C2CD4B: variants seen among roughly 807,000 people sequenced by gnomAD.
The protein encoded by C2CD4B is C2 calcium dependent domain containing 4B.
For synonymous variants in C2CD4B, 347 were observed against 284.9 expected (o/e 1.22, Z -2.20); for missense variants, 644 against 577.7 (o/e 1.11, Z -1.18).
rs1246918187 is a variant in C2CD4B, at chr15:62,163,648, A to C, written c.*242T>G. ...TCCTTTCTCTCCCAGTCCCAAGCCA[A>C]CCCATTTTTCCTTGGAATGCAAAAA... On this transcript the variant is annotated 3_prime_UTR_variant, in exon 2 of 2. Coordinates refer to ENST00000380392, the MANE Select transcript of C2CD4B (RefSeq NM_001007595.3). 1 of 464,338 alleles carries C rather than the reference A, an allele frequency of 2.2e-6. No homozygotes were observed. Among genetic ancestry groups the C allele is most frequent in the Non-Finnish European group, 3.5e-6 (1 of 287,966 alleles). 28.8% of individuals were successfully genotyped at this position (464,338 alleles called of 1,614,324 possible). A position where few individuals can be genotyped will look rare whatever the true frequency, so the allele number is the denominator to read the frequency against.
At position 62,164,279 on chromosome 15, in the gene C2CD4B, G is replaced by T; in HGVS notation, c.706C>A (p.Arg236Ser). The change falls in exon 2 of 2, where the codon CGC becomes AGC. Residue 236 changes from arginine (R) to serine (S), a missense_variant. By Grantham distance (110) the Arg-to-Ser change is moderately radical. Transcript: ENST00000380392. ...PLSSRAPLPERLEAKGTVALG... is the reference protein window; with the variant it reads ...PLSSRAPLPESLEAKGTVALG... Reference sequence around the variant, plus strand: ...GCCACGGTGCCCTTGGCCTCCAGGCGCTCAGGAAGCGGGGCCCTGGATGAC... The same window carrying T: ...GCCACGGTGCCCTTGGCCTCCAGGCTCTCAGGAAGCGGGGCCCTGGATGAC... 7.0e-7 allele frequency: 1 copy of T among 1,422,548 alleles called. No homozygotes were observed. The highest frequency in any genetic ancestry group is 9.1e-7 in the Non-Finnish European group (1 of 1,098,126). The allele number at this position is 1,422,548 out of a possible 1,614,324, so 88.1% of individuals were successfully genotyped here.
Position 62,163,958 on chromosome 15 carries a change from G to T in C2CD4B, c.1027C>A (p.Arg343Ser), listed in dbSNP as rs1236491970. The change falls in exon 2 of 2, where the codon CGC becomes AGC. Residue 343 changes from arginine to serine, a missense_variant. Transcript: ENST00000380392. ...AVRVKARDEG[R>S]GRDRGRLLGQ... Reference sequence around the variant, plus strand: ...AGCAGGCGGCCCCGATCCCGGCCGCGACCCTCATCCCGGGCCTTGACGCGA... The same window carrying T: ...AGCAGGCGGCCCCGATCCCGGCCGCTACCCTCATCCCGGGCCTTGACGCGA... The T allele has an allele frequency of 1.3e-6, 2 of 1,586,626 alleles. No individual in the cohort carries two copies. The highest frequency in any genetic ancestry group is 1.1e-5 in the South Asian group (1 of 87,382).
rs2049585957 is a variant in C2CD4B, at chr15:62,164,278, C to A, written c.707G>T (p.Arg236Leu). The stretch of plus-strand genomic sequence containing the variant: ...AGCCACGGTGCCCTTGGCCTCCAGG[C>A]GCTCAGGAAGCGGGGCCCTGGATGA... ...PLSSRAPLPE[R>L]LEAKGTVALG... Residue 236 changes from arginine to leucine, a missense_variant, in exon 2 of 2, where the codon CGC becomes CTC. Arg to Leu is a moderately radical substitution (Grantham distance 102). Transcript: ENST00000380392. 17 of 1,424,062 alleles carry A rather than the reference C, an allele frequency of 1.2e-5. No homozygotes were observed. Among genetic ancestry groups the A allele is most frequent in the Non-Finnish European group, 1.5e-5 (17 of 1,098,718 alleles). 88.2% of individuals were successfully genotyped at this position (1,424,062 alleles called of 1,614,324 possible).
chr15:62,163,573 A>C lies in C2CD4B; in HGVS notation c.*317T>G. 3.2e-6 allele frequency: 1 copy of C among 317,142 alleles called. No homozygotes were observed. The highest frequency in any genetic ancestry group is 8.3e-4 in the Middle Eastern group (1 of 1,210). 19.6% of individuals were successfully genotyped at this position (317,142 alleles called of 1,614,324 possible). ...CTTGCTTTATTAAAAAAAAACTGTA[A>C]CATTGATAGAAAACCGGAAGGAATT... On this transcript the variant is annotated 3_prime_UTR_variant, in exon 2 of 2. Coordinates refer to ENST00000380392, the MANE Select transcript of C2CD4B (RefSeq NM_001007595.3).
At position 62,164,866 on chromosome 15, in the gene C2CD4B, G is replaced by C. The variant is rs1195132070; in HGVS notation, c.119C>G (p.Pro40Arg). ...IPEFCIPPRLPAPCTLESPIR... is the reference protein window; with the variant it reads ...IPEFCIPPRLRAPCTLESPIR... ...TGGAGACTCGAGCGTGCAAGGGGCC[G>C]GCAGCCGCGGCGGGATGCAGAATTC... Residue 40 changes from proline to arginine, a missense_variant, in exon 2 of 2, where the codon CCG (proline) becomes CGG (arginine). Transcript: ENST00000380392. The C allele has an allele frequency of 1.3e-6, 2 of 1,504,218 alleles. No individual in the cohort carries two copies. The highest frequency in any genetic ancestry group is 2.7e-5 in the East Asian group (1 of 37,708). The allele number at this position is 1,504,218 out of a possible 1,614,324, so 93.2% of individuals were successfully genotyped here.
At position 62,164,826 on chromosome 15, in the gene C2CD4B, G is replaced by T. The variant is rs1175052741; in HGVS notation, c.159C>A (p.Ala53=). The T allele has an allele frequency of 6.8e-7, 1 of 1,462,888 alleles. No individual in the cohort carries two copies. Among genetic ancestry groups the T allele is most frequent in the East Asian group, 2.8e-5 (1 of 36,114 alleles). The allele number at this position is 1,462,888 out of a possible 1,614,324, so 90.6% of individuals were successfully genotyped here. ...CTLESPIRAA[A]VPRRCAAESD... ...TTTCAGCGGCGCAGCGCCGGGGCACGGCGGCGGCCCGGATTGGAGACTCGA... is the reference window on the plus strand; with the variant it reads ...TTTCAGCGGCGCAGCGCCGGGGCACTGCGGCGGCCCGGATTGGAGACTCGA... The change falls in exon 2 of 2, where the codon GCC becomes GCA. Residue 53 remains alanine (A), a synonymous_variant. Coordinates refer to ENST00000380392, the MANE Select transcript of C2CD4B (RefSeq NM_001007595.3).
chr15:62,164,184 G>T lies in C2CD4B; in HGVS notation c.801C>A (p.Leu267=). Residue 267 remains leucine (L), a synonymous_variant, in exon 2 of 2, where the codon CTC becomes CTA. Transcript: ENST00000380392. ...ACAGGCTCTCCGCGCGGAGCAGCCGGAGGCGGAGACGCCGGGTTCCCGGAC... is the reference window on the plus strand; with the variant it reads ...ACAGGCTCTCCGCGCGGAGCAGCCGTAGGCGGAGACGCCGGGTTCCCGGAC... ...EYCPGTRRLR[L]RLLRAESLFG... 1 of 1,476,020 alleles carries T rather than the reference G, an allele frequency of 6.8e-7. No homozygotes were observed. The highest frequency in any genetic ancestry group is 8.9e-7 in the Non-Finnish European group (1 of 1,122,298). 91.4% of individuals were successfully genotyped at this position (1,476,020 alleles called of 1,614,324 possible).
chr15:62,163,720 A>G lies in C2CD4B; in HGVS notation c.*170T>C, dbSNP rs1596581709. The G allele has an allele frequency of 5.0e-6, 5 of 1,003,450 alleles. No individual in the cohort carries two copies. Among genetic ancestry groups the G allele is most frequent in the Middle Eastern group, 3.4e-4 (1 of 2,946 alleles). 62.2% of individuals were successfully genotyped at this position (1,003,450 alleles called of 1,614,324 possible). ...GGTCCTGTGAACAGAACAGGGAGTC[A>G]TTATCTTTTTCTTCTTTACCAATAG... On this transcript the variant is annotated 3_prime_UTR_variant, in exon 2 of 2. Coordinates refer to ENST00000380392, the MANE Select transcript of C2CD4B (RefSeq NM_001007595.3).
Position 62,165,144 on chromosome 15 carries a change from T to C in C2CD4B, c.-41+51A>G, listed in dbSNP as rs916021804. ...CCACGTGTTTAAGACCCCAGACCAG[T>C]TCCAGCCTTCCTCTCCCCTGCACCC... On this transcript the variant is annotated intron_variant, in intron 1 of 1. Transcript: ENST00000380392. 5 of 751,798 alleles carry C rather than the reference T, an allele frequency of 6.7e-6. No individual in the cohort carries two copies. The Admixed American group carries it at 1.5e-4, about 22-fold the overall frequency. The allele number at this position is 751,798 out of a possible 1,614,324, so 46.6% of individuals were successfully genotyped here. A position where few individuals can be genotyped will look rare whatever the true frequency, so the allele number is the denominator to read the frequency against.
chr15:62,164,348 C>T lies in C2CD4B; in HGVS notation c.637G>A (p.Ala213Thr). ...SSGNEDEERR[A>T]GSESPARAPS... ...GCCCGGGCCGGGGACTCGGATCCCG[C>T]GCGGCGCTCCTCGTCCTCGTTCCCG... The change falls in exon 2 of 2, where the codon GCG becomes ACG. Residue 213 changes from alanine to threonine, a missense_variant. Transcript: ENST00000380392. 7.1e-7 allele frequency: 1 copy of T among 1,400,736 alleles called. No homozygotes were observed. Among genetic ancestry groups the T allele is most frequent in the Non-Finnish European group, 9.2e-7 (1 of 1,086,340 alleles). The allele number at this position is 1,400,736 out of a possible 1,614,324, so 86.8% of individuals were successfully genotyped here.
At position 62,163,558 on chromosome 15, in the gene C2CD4B, T is replaced by TA. The variant is rs201510342; in HGVS notation, c.*331dup. Reference sequence around the variant, plus strand: ...ACTCTGAATGAATAACTTGCTTTATTAAAAAAAAACTGTAACATTGATAGA... The same window carrying TA: ...ACTCTGAATGAATAACTTGCTTTATTAAAAAAAAAACTGTAACATTGATAGA... On this transcript the variant is annotated 3_prime_UTR_variant, in exon 2 of 2. Transcript: ENST00000380392. 6.1e-3 allele frequency: 1,682 copies of TA among 275,756 alleles called. 10 individuals are homozygous for TA. The highest frequency in any genetic ancestry group is 0.019 in the Middle Eastern group (19 of 996). 17.1% of individuals were successfully genotyped at this position (275,756 alleles called of 1,614,324 possible). A position where few individuals can be genotyped will look rare whatever the true frequency, so the allele number is the denominator to read the frequency against.
rs372753423 is a variant in C2CD4B at position 62,164,396 on chromosome 15, C to T, written c.589G>A (p.Ala197Thr). ...CCGCTGGAGACGGAGCGGACGCGGGCCAGGCGGCGACTCCTTCCAGCCCGC... is the reference window on the plus strand; with the variant it reads ...CCGCTGGAGACGGAGCGGACGCGGGTCAGGCGGCGACTCCTTCCAGCCCGC... Reference protein sequence around the residue: ...ALRAGRSRRLARVRSVSSGNE... With the variant: ...ALRAGRSRRLTRVRSVSSGNE... Residue 197 changes from alanine (A) to threonine (T), a missense_variant, in exon 2 of 2, where the codon GCC (alanine) becomes ACC (threonine). Physicochemically the swap from Ala to Thr is moderately conservative, Grantham distance 58 (BLOSUM62 0). Coordinates refer to ENST00000380392, the MANE Select transcript of C2CD4B (RefSeq NM_001007595.3). 2.8e-5 allele frequency: 40 copies of T among 1,420,368 alleles called. No individual in the cohort carries two copies. The East Asian group carries it at 4.6e-4, about 16-fold the overall frequency. 88.0% of individuals were successfully genotyped at this position (1,420,368 alleles called of 1,614,324 possible). A position where few individuals can be genotyped will look rare whatever the true frequency, so the allele number is the denominator to read the frequency against.
chr15:62,164,687 A>C lies in C2CD4B; in HGVS notation c.298T>G (p.Phe100Val), dbSNP rs1394660220. 2.1e-6 allele frequency: 3 copies of C among 1,458,320 alleles called. No individual in the cohort carries two copies. The highest frequency in any genetic ancestry group is 2.7e-6 in the Non-Finnish European group (3 of 1,110,710). The allele number at this position is 1,458,320 out of a possible 1,614,324, so 90.3% of individuals were successfully genotyped here. Residue 100 changes from phenylalanine (F) to valine (V), a missense_variant, in exon 2 of 2, where the codon TTC becomes GTC. Transcript: ENST00000380392. ...TGCGGGCTCTCGAGCAGCGCGCAGA[A>C]GCCGTAGGTGGTGCGCACACGGGGC... ...HLPRVRTTYG[F>V]CALLESPHTR... is the part of the protein sequence containing the mutation.
chr15:62,165,037 G>T lies in C2CD4B; in HGVS notation c.-40-13C>A. ...GGAAGAGGTGCGCCTGCGGGGGAGA[G>T]AAGCTGCTGAGTTTGGGCGCCTGGA... On this transcript the variant is annotated splice_polypyrimidine_tract_variant and intron_variant, in intron 1 of 1. Coordinates refer to ENST00000380392, the MANE Select transcript of C2CD4B (RefSeq NM_001007595.3). 6.9e-7 allele frequency: 1 copy of T among 1,458,070 alleles called. No homozygotes were observed. Among genetic ancestry groups the T allele is most frequent in the East Asian group, 2.8e-5 (1 of 35,378 alleles). 90.3% of individuals were successfully genotyped at this position (1,458,070 alleles called of 1,614,324 possible).
chr15:62,164,626 G>C lies in C2CD4B; in HGVS notation c.359C>G (p.Pro120Arg), dbSNP rs1244284326. The C allele has an allele frequency of 7.7e-7, 1 of 1,301,488 alleles. No individual in the cohort carries two copies. The highest frequency in any genetic ancestry group is 9.7e-7 in the Non-Finnish European group (1 of 1,029,540). The allele number at this position is 1,301,488 out of a possible 1,614,324, so 80.6% of individuals were successfully genotyped here. The part of the protein sequence containing the change: ...RRKESLLLGG[P>R]PAPRPRAHSC... ...GTGGGCCCGGGGCCGGGGCGCGGGC[G>C]GGCCCCCGAGCAGGAGCGACTCCTT... The change falls in exon 2 of 2, where the codon CCG becomes CGG. Residue 120 changes from proline (P) to arginine (R), a missense_variant. By Grantham distance (103) the Pro-to-Arg change is moderately radical (BLOSUM62 -2). Transcript: ENST00000380392.
chr15:62,164,912 G>A lies in C2CD4B; in HGVS notation c.73C>T (p.Leu25Phe), dbSNP rs758928940. ...SAPKPAFAKV[L>F]TPNRIPEFCI... ...AATTCGGGGATGCGATTCGGCGTGAGCACTTTGGCGAAGGCGGGCTTCGGC... is the reference window on the plus strand; with the variant it reads ...AATTCGGGGATGCGATTCGGCGTGAACACTTTGGCGAAGGCGGGCTTCGGC... The change falls in exon 2 of 2, where the codon CTC becomes TTC. Residue 25 changes from leucine to phenylalanine, a missense_variant. Physicochemically the swap from Leu to Phe is conservative, Grantham distance 22. Transcript: ENST00000380392. 4.6e-6 allele frequency: 7 copies of A among 1,538,072 alleles called. No individual in the cohort carries two copies. In the Admixed American group the frequency reaches 1.2e-4, roughly 26 times the overall value.
Position 62,164,910 on chromosome 15 carries a change from G to T in C2CD4B, c.75C>A (p.Leu25=). The change falls in exon 2 of 2, where the codon CTC becomes CTA. Residue 25 remains leucine (L), a synonymous_variant. Transcript: ENST00000380392. Reference sequence around the variant, plus strand: ...AGAATTCGGGGATGCGATTCGGCGTGAGCACTTTGGCGAAGGCGGGCTTCG... The same window carrying T: ...AGAATTCGGGGATGCGATTCGGCGTTAGCACTTTGGCGAAGGCGGGCTTCG... ...SAPKPAFAKV[L]TPNRIPEFCI... is the part of the protein sequence containing the mutation. 3 of 1,537,700 alleles carry T rather than the reference G, an allele frequency of 2.0e-6. No individual in the cohort carries two copies. The highest frequency in any genetic ancestry group is 2.6e-6 in the Non-Finnish European group (3 of 1,145,810).
Position 62,164,408 on chromosome 15 carries a change from T to A in C2CD4B, c.577A>T (p.Ser193Cys). 2 of 1,414,686 alleles carry A rather than the reference T, an allele frequency of 1.4e-6. No individual in the cohort carries two copies. Among genetic ancestry groups the A allele is most frequent in the Non-Finnish European group, 1.8e-6 (2 of 1,089,798 alleles). The allele number at this position is 1,414,686 out of a possible 1,614,324, so 87.6% of individuals were successfully genotyped here. A position where few individuals can be genotyped will look rare whatever the true frequency, so the allele number is the denominator to read the frequency against. Residue 193 changes from serine to cysteine, a missense_variant, in exon 2 of 2, where the codon AGT becomes TGT. Physicochemically the swap from Ser to Cys is moderately radical, Grantham distance 112 (BLOSUM62 -1). Coordinates refer to ENST00000380392, the MANE Select transcript of C2CD4B (RefSeq NM_001007595.3). Reference protein sequence around the residue: ...LLSRALRAGRSRRLARVRSVS... With the variant: ...LLSRALRAGRCRRLARVRSVS... Reference sequence around the variant, plus strand: ...GAGCGGACGCGGGCCAGGCGGCGACTCCTTCCAGCCCGCAGCGCGCGACTC... The same window carrying A: ...GAGCGGACGCGGGCCAGGCGGCGACACCTTCCAGCCCGCAGCGCGCGACTC...
In C2CD4B at chr15:62,164,235, G is replaced by A; in HGVS notation, c.750C>T (p.Asp250=). 6.9e-7 allele frequency: 1 copy of A among 1,457,426 alleles called. No individual in the cohort carries two copies. The allele number at this position is 1,457,426 out of a possible 1,614,324, so 90.3% of individuals were successfully genotyped here. ...KGTVALGRAG[D]ALRLAAEYCP... ...AGTACTCAGCAGCCAGGCGCAGGGCGTCGCCGGCGCGGCCCAGAGCCACGG... is the reference window on the plus strand; with the variant it reads ...AGTACTCAGCAGCCAGGCGCAGGGCATCGCCGGCGCGGCCCAGAGCCACGG... The change falls in exon 2 of 2, where the codon GAC becomes GAT. Residue 250 remains aspartate, a synonymous_variant. Transcript: ENST00000380392.
Sources: allele counts gnomAD v4.1 joint callset, GRCh38; gene constraint gnomAD v4.1.1; transcripts MANE v1.5; gene names NCBI Gene and HGNC (gene_info 2026-07-23, HGNC 2026-07-21).